Variants in PADI1 observed in about 807,000 individuals in gnomAD.
PADI1 encodes the protein protein-arginine deiminase type-1.
A neutral mutation model predicts 74.8 loss-of-function variants in PADI1; 65 were observed. The observed-to-expected ratio is 0.87, with a 90% confidence interval of 0.71 to 1.07. PADI1 has a LOEUF of 1.07. Ranked by LOEUF, PADI1 falls within the 50% of genes least tolerant of loss-of-function variation. The pLI, the probability that PADI1 is intolerant of heterozygous loss-of-function variation, is 0.00. For missense variants in PADI1, 943 were observed against 854.0 expected, an observed-to-expected ratio of 1.10 and a Z score of -1.30; for synonymous variants, 371 against 336.2, an observed-to-expected ratio of 1.10 and a Z score of -1.13.
At position 17,228,859 on chromosome 1, in the gene PADI1, C is replaced by A. The variant is rs532060770; in HGVS notation, c.825+62C>A. On this transcript the variant is annotated intron_variant, in intron 7 of 15. Coordinates refer to ENST00000375471, the MANE Select transcript of PADI1 (RefSeq NM_013358.3). ...GGGGTTTGGGGGCCCAGTTTGCAGG[C>A]TCCAGGGCTGGGCAGGCTGGGGGCT... is the stretch of plus-strand genomic sequence containing the variant. 6 of 1,596,972 alleles carry A rather than the reference C, an allele frequency of 3.8e-6. No individual in the cohort carries two copies. In the African/African-American group the frequency reaches 5.4e-5, roughly 14 times the overall value.
intron 10 of PADI1, 129 bp from the exon 11 acceptor site, chr1:17,232,690 C>T (rs1441327656): frequency 5.8e-6 from 4 of 689,534 alleles, no homozygotes; most frequent in Non-Finnish European, 9.2e-6. Context: ...GGACAGAGAT[C>T]GTTTTTCAGG....
chr1:17,230,638 A>T lies in PADI1; in HGVS notation c.1120A>T (p.Arg374Trp), dbSNP rs3003406. The change falls in exon 10 of 16, where the codon AGG (arginine) becomes TGG (tryptophan). Residue 374 changes from arginine to tryptophan, a missense_variant. Physicochemically the swap from Arg to Trp is moderately radical, Grantham distance 101. Transcript: ENST00000375471. ...CTTCCCCGTGGTCTTTGACTCCCCC[A>T]GGAACAGGGGCCTGAAAGATTTCCC... ...KSFPVVFDSP[R>W]NRGLKDFPYK... The T allele has an allele frequency of 2.7e-5, 44 of 1,611,230 alleles. No homozygotes were observed. The highest frequency in any genetic ancestry group is 8.8e-5 in the South Asian group (8 of 90,762).
At chr1:17,222,798 C>CA (rs2072194745) in intron 2 of PADI1, among the ~76,000 whole-genome samples, 1 of 152,182 alleles carries the variant, frequency 6.6e-6, no homozygotes, top group Admixed American at 6.5e-5. Context: ...TGCCCCAGTG[C>CA]TCTCGTGTGG....
Position 17,244,171 on chromosome 1 carries a change from G to A in PADI1, c.1920G>A (p.Gln640=). 1.9e-6 allele frequency: 3 copies of A among 1,614,210 alleles called. No homozygotes were observed. Among genetic ancestry groups the A allele is most frequent in the Non-Finnish European group, 2.5e-6 (3 of 1,180,044 alleles). Residue 640 remains glutamine (Q), a synonymous_variant, in exon 16 of 16, where the codon CAG becomes CAA. Transcript: ENST00000375471. ...IDDYLSYHEL[Q]GEIHCGTNVR... ...ACTACTTGTCCTACCACGAGCTGCA[G>A]GGGGAGATCCACTGTGGCACCAACG...
chr1:17,206,682 TC>T lies in PADI1; in HGVS notation c.92+1374del, dbSNP rs1430290565. Among the ~76,000 whole-genome samples the T allele has an allele frequency of 2.0e-3, 274 of 134,202 alleles. 3 individuals carry two copies. Among genetic ancestry groups the T allele is most frequent in the African/African-American group, 7.8e-3 (234 of 30,184 alleles). 88.0% of individuals were successfully genotyped at this position (134,202 alleles called of 152,430 possible). A position where few individuals can be genotyped will look rare whatever the true frequency, so the allele number is the denominator to read the frequency against. On this transcript the variant is annotated intron_variant, in intron 1 of 15. Transcript: ENST00000375471. ...GAAGCTGAAGTCTTTTTTTTCTTTTTCTTTTTTTTTTTTTTTTTTTTTGAGA... is the reference window on the plus strand; with the variant it reads ...GAAGCTGAAGTCTTTTTTTTCTTTTTTTTTTTTTTTTTTTTTTTTTTGAGA...
chr1:17,216,490 T>C (rs1011794296), intron 1 of PADI1, among the ~76,000 whole-genome samples: 7 of 151,844 alleles, frequency 4.6e-5, no homozygotes, highest in African/African-American at 9.7e-5. Flanking sequence ...AGACTTGCGG[T>C]GGGTTGGGCA....
chr1:17,228,582 C>T (rs2072389317), intron 6 of PADI1, 43 bp from the exon 7 acceptor site: 2 of 1,605,498 alleles, frequency 1.2e-6, no homozygotes, highest in Non-Finnish European at 1.7e-6. Flanking sequence ...TGCAGCCCCT[C>T]ACCCCTGTCT....
chr1:17,244,479 C>G lies in PADI1; in HGVS notation c.*236C>G. On this transcript the variant is annotated 3_prime_UTR_variant, in exon 16 of 16. Transcript: ENST00000375471. Reference sequence around the variant, plus strand: ...TCTTCCCTGGCCTCTTTCCCACCCACAGCCCCCAGAGGCTCTAGATCAACA... The same window carrying G: ...TCTTCCCTGGCCTCTTTCCCACCCAGAGCCCCCAGAGGCTCTAGATCAACA... 1 of 629,092 alleles carries G rather than the reference C, an allele frequency of 1.6e-6. No homozygotes were observed. Among genetic ancestry groups the G allele is most frequent in the South Asian group, 1.5e-5 (1 of 66,100 alleles). 39.0% of individuals were successfully genotyped at this position (629,092 alleles called of 1,614,324 possible).
intron 1 of PADI1, among the ~76,000 whole-genome samples, chr1:17,206,752 TC>T (rs1313961421): frequency 1.3e-5 from 2 of 148,164 alleles, no homozygotes; most frequent in Non-Finnish European, 1.5e-5. Flanking sequence ...AGTGGCGAGA[TC>T]TTTGCTCACT....
At chr1:17,237,168 G>A in intron 11 of PADI1, 146 bp from the exon 12 acceptor site, 1 of 853,832 alleles carries the variant, frequency 1.2e-6, no homozygotes, top group South Asian at 1.8e-5. Context: ...ATTCTCTGCT[G>A]TCTTGGCTTC....
At chr1:17,238,457 A>T (rs182628775) in intron 12 of PADI1, among the ~76,000 whole-genome samples, 159 bp from the exon 13 acceptor site, 12 of 152,308 alleles carry the variant, frequency 7.9e-5, no homozygotes, top group Non-Finnish European at 1.6e-4. Flanking sequence ...TGCTTGGAGG[A>T]CTGGGAGAGT....
chr1:17,227,288 C>T (rs2072344092), intron 6 of PADI1, among the ~76,000 whole-genome samples: 1 of 150,790 alleles, frequency 6.6e-6, no homozygotes, highest in Non-Finnish European at 1.5e-5. Flanking sequence ...TGGCTCATGC[C>T]TATAATTCCA....
At chr1:17,239,813 G>A (rs921795922) in intron 14 of PADI1, 30 bp downstream of exon 14, 1 of 1,559,470 alleles carries the variant, frequency 6.4e-7, no homozygotes, top group Non-Finnish European at 8.8e-7. Context: ...GCTGCTCTAA[G>A]GGGTCCTTTC....
intron 1 of PADI1, among the ~76,000 whole-genome samples, chr1:17,221,952 G>A (rs949040079): frequency 1.7e-4 from 26 of 152,266 alleles, no homozygotes; most frequent in African/African-American, 5.8e-4. Flanking sequence ...AAAGCTGCTC[G>A]GTGATCCAGG....
chr1:17,236,817 A>T (rs919001912), intron 11 of PADI1, among the ~76,000 whole-genome samples: 1 of 152,114 alleles, frequency 6.6e-6, no homozygotes, highest in African/African-American at 2.4e-5. Context: ...GAAGAGGAAG[A>T]AAGAGAAAAG....
intron 11 of PADI1, among the ~76,000 whole-genome samples, chr1:17,234,916 G>A (rs111800065): frequency 0.083 from 12,611 of 151,946 alleles, 625 homozygotes; most frequent in African/African-American, 0.14. Flanking sequence ...CAGGAGTTTG[G>A]GACCAGCCTG....
chr1:17,240,010 C>A, intron 14 of PADI1: 1 of 532,174 alleles, frequency 1.9e-6, no homozygotes, highest in South Asian at 2.5e-5. Context: ...GGAGACCCGG[C>A]CCCACGCTGG....
At chr1:17,223,580 T>C (rs2072221853) in intron 2 of PADI1, 41 bp from the exon 3 acceptor site, 1 of 1,515,428 alleles carries the variant, frequency 6.6e-7, no homozygotes, top group Non-Finnish European at 9.2e-7. Context: ...CCGCCATCTC[T>C]GAAGGTGATG....
At chr1:17,241,238 C>T (rs1413095830) in intron 15 of PADI1, among the ~76,000 whole-genome samples, 1 of 152,214 alleles carries the variant, frequency 6.6e-6, no homozygotes, top group African/African-American at 2.4e-5. Flanking sequence ...CTCTCATTAA[C>T]AGGGCAGCTG....
Sources: allele counts gnomAD v4.1 joint callset (sites outside exome capture counted in the v4.1 genomes callset), GRCh38; gene constraint gnomAD v4.1.1; transcripts MANE v1.5; gene names NCBI Gene and HGNC (gene_info 2026-07-23, HGNC 2026-07-21).